The following ZNF678 variants were observed in gnomAD, a reference collection of about 807,000 sequenced individuals.
ZNF678 encodes zinc finger protein 678, also known as hypothetical protein MGC42493.
A neutral mutation model predicts 3.0 loss-of-function variants in ZNF678; 5 were observed. The ratio of observed to expected loss-of-function variants is 1.69; its 90% confidence interval spans 0.88 to 3.56. The LOEUF (loss-of-function observed/expected upper bound fraction) is 3.56. Among genes scored for constraint, ZNF678 ranks in the 30% most tolerant of loss-of-function variants. The probability of loss-of-function intolerance (pLI) is 0.00; values close to 1 mark genes in which losing one functional copy is unlikely to be tolerated. For synonymous variants in ZNF678, 218 were observed against 199.6 expected, an observed-to-expected ratio of 1.09 and a Z score of -0.78; for missense variants, 593 against 605.0, an observed-to-expected ratio of 0.98 and a Z score of 0.21.
At chr1:227,621,254 G>A (rs1226968345) in intron 1 of ZNF678, among the ~76,000 whole-genome samples, 1 of 152,184 alleles carries the variant, frequency 6.6e-6, no homozygotes, top group Non-Finnish European at 1.5e-5. Flanking sequence ...TTAAAAAAAA[G>A]TTTCTATTTT....
At chr1:227,615,202 C>T (rs1658113699) in intron 1 of ZNF678, among the ~76,000 whole-genome samples, 1 of 152,162 alleles carries the variant, frequency 6.6e-6, no homozygotes, top group South Asian at 2.1e-4. Flanking sequence ...CTATTTGTTA[C>T]AAAAAGATAC....
chr1:227,611,277 G>A (rs1407667877), intron 1 of ZNF678, among the ~76,000 whole-genome samples: 2 of 152,030 alleles, frequency 1.3e-5, no homozygotes, highest in Admixed American at 1.3e-4. Flanking sequence ...TGACCCTTAC[G>A]TTGAGAACCA....
chr1:227,654,890 T>C lies in ZNF678; in HGVS notation c.640T>C (p.Cys214Arg), dbSNP rs1474032982. ...AGAGAAACCATACCCATGTGAAGAA[T>C]GTGGCAAAGCCTTTACCCAGTTCTC... Reference protein sequence around the residue: ...SGEKPYPCEECGKAFTQFSNL... With the variant: ...SGEKPYPCEERGKAFTQFSNL... The change falls in exon 4 of 4, where the codon TGT becomes CGT. Residue 214 changes from cysteine (C) to arginine (R), a missense_variant. Coordinates refer to ENST00000343776, the MANE Select transcript of ZNF678 (RefSeq NM_001367909.1). 4 of 1,608,750 alleles carry C rather than the reference T, an allele frequency of 2.5e-6. No homozygotes were observed. The highest frequency in any genetic ancestry group is 1.7e-4 in the Middle Eastern group (1 of 6,044).
At chr1:227,629,424 A>G (rs1249894175) in intron 1 of ZNF678, among the ~76,000 whole-genome samples, 2 of 152,208 alleles carry the variant, frequency 1.3e-5, no homozygotes, top group African/African-American at 4.8e-5. Context: ...TTTCAGGCAT[A>G]ATTAGAAAGG....
intron 1 of ZNF678, among the ~76,000 whole-genome samples, chr1:227,606,217 A>C (rs923664468): frequency 1.3e-5 from 2 of 152,210 alleles, no homozygotes; most frequent in East Asian, 1.9e-4. Context: ...CATTTTCACT[A>C]TCTCTCCAAG....
At chr1:227,647,971 A>G (rs574253980) in intron 2 of ZNF678, among the ~76,000 whole-genome samples, 42 of 152,322 alleles carry the variant, frequency 2.8e-4, no homozygotes, top group African/African-American at 8.9e-4. Context: ...ATGATTTTCT[A>G]TCCTATGGAG....
chr1:227,664,428 G>T (rs1659467482), downstream of ZNF678, among the ~76,000 whole-genome samples: 1 of 151,994 alleles, frequency 6.6e-6, no homozygotes, highest in African/African-American at 2.4e-5. Flanking sequence ...CCAACACACG[G>T]TGTCAGAAAG....
intron 1 of ZNF678, among the ~76,000 whole-genome samples, chr1:227,589,430 G>A (rs1411208681): frequency 6.6e-6 from 1 of 151,652 alleles, no homozygotes; most frequent in African/African-American, 2.4e-5. Context: ...GATTTTGTTA[G>A]GTTTGTCGAG....
chr1:227,636,753 C>T (rs1658689483), intron 1 of ZNF678, among the ~76,000 whole-genome samples: 2 of 152,120 alleles, frequency 1.3e-5, no homozygotes, highest in South Asian at 4.1e-4. Context: ...GACCCTGGTG[C>T]AGTAGACCCA....
intron 3 of ZNF678, among the ~76,000 whole-genome samples, chr1:227,653,079 T>C (rs1659127625): frequency 6.6e-6 from 1 of 152,114 alleles, no homozygotes; most frequent in African/African-American, 2.4e-5. Flanking sequence ...ACCCTGATTA[T>C]ATCACTCAAC....
Position 227,646,520 on chromosome 1 carries a change from C to T in ZNF678, c.-163-24C>T, listed in dbSNP as rs561962148. ...CTGCCCATGGCACATTTTGTAAATACGTGTGTATTTTTCCCCCCCCCAGGG... is the reference window on the plus strand; with the variant it reads ...CTGCCCATGGCACATTTTGTAAATATGTGTGTATTTTTCCCCCCCCCAGGG... On this transcript the variant is annotated intron_variant, in intron 1 of 3. Coordinates refer to ENST00000343776, the MANE Select transcript of ZNF678 (RefSeq NM_001367909.1). 1.4e-4 allele frequency: 191 copies of T among 1,317,816 alleles called. No individual in the cohort carries two copies. In the African/African-American group the frequency reaches 3.1e-3, roughly 22 times the overall value. 81.6% of individuals were successfully genotyped at this position (1,317,816 alleles called of 1,614,324 possible).
Position 227,669,646 on chromosome 1 carries a change from C to CAAA in ZNF678, c.227-7521_227-7519dup, listed in dbSNP as rs113306077. ...CCTGGGAGACAGAGCGAGACCGTCT[C>CAAA]AAAAAAAAAAAAAATACCATCTCCC... is the stretch of plus-strand genomic sequence containing the variant. On this transcript the variant is annotated intron_variant, in intron 5 of 5. Transcript: ENST00000608949. 1.4e-3 allele frequency among the ~76,000 whole-genome samples: 199 copies of CAAA among 138,358 alleles called. 1 individual carries two copies. Among genetic ancestry groups the CAAA allele is most frequent in the African/African-American group, 4.1e-3 (155 of 37,816 alleles). The allele number at this position is 138,358 out of a possible 152,430, so 90.8% of individuals were successfully genotyped here. A position where few individuals can be genotyped will look rare whatever the true frequency, so the allele number is the denominator to read the frequency against.
At chr1:227,644,735 C>G (rs1388603229) in intron 1 of ZNF678, among the ~76,000 whole-genome samples, 2 of 152,184 alleles carry the variant, frequency 1.3e-5, no homozygotes, top group Non-Finnish European at 1.5e-5. Flanking sequence ...AGAAGCAATG[C>G]TTAGCTAAGT....
intron 1 of ZNF678, among the ~76,000 whole-genome samples, chr1:227,611,418 C>T (rs530252256): frequency 2.6e-5 from 4 of 152,336 alleles, no homozygotes; most frequent in African/African-American, 9.6e-5. Flanking sequence ...CTCCCTCACT[C>T]ACTCACAGAG....
chr1:227,576,782 T>C (rs1656996361), intron 1 of ZNF678, among the ~76,000 whole-genome samples: 1 of 152,184 alleles, frequency 6.6e-6, no homozygotes, highest in Admixed American at 6.5e-5. Flanking sequence ...CTGCTAGCTT[T>C]GGGATTTGTA....
chr1:227,655,967 A>G lies in ZNF678; in HGVS notation c.*139A>G. 1.7e-6 allele frequency: 1 copy of G among 594,794 alleles called. No individual in the cohort carries two copies. The highest frequency in any genetic ancestry group is 5.0e-5 in the South Asian group (1 of 20,066). The allele number at this position is 594,794 out of a possible 1,614,324, so 36.8% of individuals were successfully genotyped here. A position where few individuals can be genotyped will look rare whatever the true frequency, so the allele number is the denominator to read the frequency against. On this transcript the variant is annotated 3_prime_UTR_variant, in exon 4 of 4. Coordinates refer to ENST00000343776, the MANE Select transcript of ZNF678 (RefSeq NM_001367909.1). ...ATACTGAATGAAATTTATAAATATAAAAGATTACAATATCTTTATTTCAAA... is the reference window on the plus strand; with the variant it reads ...ATACTGAATGAAATTTATAAATATAGAAGATTACAATATCTTTATTTCAAA...
downstream of ZNF678, among the ~76,000 whole-genome samples, chr1:227,678,428 A>G (rs1659718761): frequency 6.6e-6 from 1 of 152,214 alleles, no homozygotes; most frequent in Non-Finnish European, 1.5e-5. Flanking sequence ...CTTGTTCTCT[A>G]TAGGGAATAT....
At chr1:227,678,960 G>A (rs1467669313), downstream of ZNF678, among the ~76,000 whole-genome samples, 1 of 152,178 alleles carries the variant, frequency 6.6e-6, no homozygotes, top group Non-Finnish European at 1.5e-5. Flanking sequence ...GCAGTGGGAT[G>A]TTGTATTACC....
At chr1:227,647,777 A>G (rs1012609425) in intron 2 of ZNF678, among the ~76,000 whole-genome samples, 1 of 152,178 alleles carries the variant, frequency 6.6e-6, no homozygotes, top group Non-Finnish European at 1.5e-5. Flanking sequence ...AAGGCACTAT[A>G]TAATCTGACT....
Sources: allele counts gnomAD v4.1 joint callset (sites outside exome capture counted in the v4.1 genomes callset), GRCh38; gene constraint gnomAD v4.1.1; transcripts MANE v1.5; gene names NCBI Gene and HGNC (gene_info 2026-07-23, HGNC 2026-07-21).